CTNNBL1: variants seen among roughly 807,000 people sequenced by gnomAD.
CTNNBL1 encodes catenin beta like 1.
A neutral mutation model predicts 72.7 loss-of-function variants in CTNNBL1; 31 were observed. The observed-to-expected ratio is 0.43, with a 90% CI of 0.32 to 0.58. The LOEUF (loss-of-function observed/expected upper bound fraction) is 0.58, where lower values mean the gene tolerates loss of function less well. Ranked by LOEUF, CTNNBL1 falls within the 20% of genes least tolerant of loss-of-function variation. The probability of loss-of-function intolerance (pLI) is 0.08; values close to 1 mark genes in which losing one functional copy is unlikely to be tolerated. For missense variants in CTNNBL1, 534 were observed against 725.1 expected (o/e 0.74, Z 3.03); for synonymous variants, 240 against 267.3 (o/e 0.90, Z 1.00).
intron 1 of CTNNBL1, among the ~76,000 whole-genome samples, chr20:37,717,168 A>T (rs2072993063): frequency 6.6e-6 from 1 of 152,084 alleles, no homozygotes; most frequent in Admixed American, 6.6e-5. Flanking sequence ...CTCCTATTGG[A>T]AAAGGGAATG....
intron 15 of CTNNBL1, among the ~76,000 whole-genome samples, chr20:37,870,636 T>G (rs1189689893): frequency 6.6e-6 from 1 of 152,118 alleles, no homozygotes; most frequent in African/African-American, 2.4e-5. Flanking sequence ...ACGTCGCATC[T>G]CCTTTCCCTG....
chr20:37,827,944 T>C (rs2072174330), intron 11 of CTNNBL1, among the ~76,000 whole-genome samples: 1 of 152,156 alleles, frequency 6.6e-6, no homozygotes, highest in South Asian at 2.1e-4. Context: ...TTCCTTCATA[T>C]CTCTGGGCCT....
At chr20:37,778,371 A>G (rs982920514) in intron 9 of CTNNBL1, among the ~76,000 whole-genome samples, 19 of 152,270 alleles carry the variant, frequency 1.2e-4, no homozygotes, top group Middle Eastern at 6.8e-3. Context: ...AGAGTCTGAG[A>G]TGTCAGTTTG....
intron 13 of CTNNBL1, among the ~76,000 whole-genome samples, chr20:37,850,327 A>G: frequency 6.6e-6 from 1 of 152,186 alleles, no homozygotes; most frequent in East Asian, 1.9e-4. Flanking sequence ...ATGCAAGCCC[A>G]AGGTTAAATC....
At chr20:37,747,883 C>A (rs537055900) in intron 4 of CTNNBL1, among the ~76,000 whole-genome samples, 54 of 152,232 alleles carry the variant, frequency 3.5e-4, no homozygotes, top group African/African-American at 1.3e-3. Context: ...TGTATAAGTG[C>A]TGAGCACAGT....
chr20:37,760,524 G>A (rs1303947733), intron 5 of CTNNBL1, among the ~76,000 whole-genome samples: 2 of 152,224 alleles, frequency 1.3e-5, no homozygotes, highest in East Asian at 3.8e-4. Context: ...CTGTTTATAA[G>A]TTTGTCCTTC....
At chr20:37,777,313 A>G (rs746521908) in intron 7 of CTNNBL1, 32 bp from the exon 8 acceptor site, 10 of 1,580,086 alleles carry the variant, frequency 6.3e-6, no homozygotes, top group Non-Finnish European at 7.8e-6. Flanking sequence ...AGACCCCTTA[A>G]CATTTTTCTC....
chr20:37,701,889 G>A (rs953235595), intron 1 of CTNNBL1, among the ~76,000 whole-genome samples: 14 of 145,106 alleles, frequency 9.6e-5, no homozygotes, highest in African/African-American at 3.5e-4. Context: ...GTAATACATC[G>A]TACGCTCATC....
intron 4 of CTNNBL1, chr20:37,756,204 T>A (rs547140936): frequency 6.6e-6 from 1 of 152,362 alleles, no homozygotes; most frequent in Non-Finnish European, 1.5e-5. Flanking sequence ...TGTCTGTGTG[T>A]ATTCTTCATT....
chr20:37,748,178 T>C (rs17724627), intron 4 of CTNNBL1, among the ~76,000 whole-genome samples: 42,382 of 152,138 alleles, frequency 0.28, 7,450 homozygotes, highest in Middle Eastern at 0.41. Context: ...TTCATCTTTC[T>C]GGTAATCTCT....
intron 4 of CTNNBL1, among the ~76,000 whole-genome samples, chr20:37,753,872 A>C (rs572092893): frequency 6.6e-6 from 1 of 152,220 alleles, no homozygotes; most frequent in Non-Finnish European, 1.5e-5. Flanking sequence ...ATGGCTGGTG[A>C]TAATTTTGGG....
intron 13 of CTNNBL1, among the ~76,000 whole-genome samples, chr20:37,848,443 A>C (rs754421151): frequency 1.1e-4 from 16 of 152,122 alleles, no homozygotes; most frequent in Non-Finnish European, 2.1e-4. Flanking sequence ...GACCTGAGCC[A>C]CTGCGCCTAG....
At chr20:37,722,949 T>A (rs1267717923) in intron 1 of CTNNBL1, among the ~76,000 whole-genome samples, 1 of 152,240 alleles carries the variant, frequency 6.6e-6, no homozygotes, top group Non-Finnish European at 1.5e-5. Context: ...TGCGGATGGT[T>A]CTGGTGTAGC....
chr20:37,807,049 C>A lies in CTNNBL1; in HGVS notation c.1213+4001C>A, dbSNP rs186446702. ...TTTGCCTCTTTAAGTCCATCCTGGT[C>A]CCGTCATAGCCCCTGTCACCTCTTA... On this transcript the variant is annotated intron_variant, in intron 11 of 15. Transcript: ENST00000361383. Among the ~76,000 whole-genome samples, 9 of 152,128 alleles carry A rather than the reference C, an allele frequency of 5.9e-5. No individual in the cohort carries two copies. The East Asian group carries it at 1.5e-3, about 26-fold the overall frequency.
chr20:37,771,564 A>G (rs531411846), intron 7 of CTNNBL1, among the ~76,000 whole-genome samples: 20 of 142,396 alleles, frequency 1.4e-4, no homozygotes, highest in Admixed American at 5.7e-4. Flanking sequence ...TACCTTTTAG[A>G]TACCTTTTTT....
chr20:37,829,126 G>A (rs1367434143), intron 11 of CTNNBL1, among the ~76,000 whole-genome samples: 2 of 152,168 alleles, frequency 1.3e-5, no homozygotes, highest in African/African-American at 4.8e-5. Context: ...GGGGGCAGGT[G>A]GGTGGCAAGG....
chr20:37,775,774 C>T (rs1346968999), intron 7 of CTNNBL1, among the ~76,000 whole-genome samples: 1 of 152,152 alleles, frequency 6.6e-6, no homozygotes, highest in Non-Finnish European at 1.5e-5. Context: ...AACTTGAAAA[C>T]AGGAGCTTAC....
In CTNNBL1 at chr20:37,746,487, G is replaced by GACCT; in HGVS notation, c.348_351dup (p.Asn118ProfsTer3). ...TCCTAGGTTCATGGAATCCGAGCTGGACCTAAATGACATCATTCAGGAGAT... is the reference window on the plus strand; with the variant it reads ...TCCTAGGTTCATGGAATCCGAGCTGGACCTACCTAAATGACATCATTCAGGAGAT... On this transcript the variant is annotated frameshift_variant, in exon 4 of 16. Coordinates refer to ENST00000361383, the MANE Select transcript of CTNNBL1 (RefSeq NM_030877.5). LOFTEE classifies it high-confidence loss of function. The GACCT allele has an allele frequency of 6.2e-7, 1 of 1,613,836 alleles. No individual in the cohort carries two copies. Among genetic ancestry groups the GACCT allele is most frequent in the Non-Finnish European group, 8.5e-7 (1 of 1,179,862 alleles).
intron 13 of CTNNBL1, 146 bp from the exon 14 acceptor site, chr20:37,859,753 A>G (rs1249929074): frequency 5.4e-6 from 4 of 735,940 alleles, no homozygotes; most frequent in Non-Finnish European, 8.7e-6. Flanking sequence ...TTAAAGGGAG[A>G]TGTAGACAAA....
Sources: allele counts gnomAD v4.1 joint callset (sites outside exome capture counted in the v4.1 genomes callset), GRCh38; gene constraint gnomAD v4.1.1; transcripts MANE v1.5; gene names NCBI Gene and HGNC (gene_info 2026-07-23, HGNC 2026-07-21).